The following SP7 variants were observed in gnomAD, a reference collection of about 807,000 sequenced individuals.
SP7 encodes the protein Sp7 transcription factor, also known as transcription factor Sp7.
SP7 carries 13 observed loss-of-function variants against 27.9 expected under a neutral mutation model. That is an observed-to-expected ratio of 0.47 (90% confidence interval 0.30 to 0.74). The LOEUF is 0.74. Among genes scored for constraint, SP7 ranks in the 30% least tolerant of loss-of-function variants. The pLI is 0.06. For synonymous variants in SP7, 219 were observed against 226.7 expected (o/e 0.97, Z 0.31); for missense variants, 525 against 558.0 (o/e 0.94, Z 0.60).
intron 2 of SP7, among the ~76,000 whole-genome samples, chr12:53,333,854 C>T (rs1199018054): frequency 6.6e-6 from 1 of 151,058 alleles, no homozygotes; most frequent in African/African-American, 2.5e-5. Flanking sequence ...GACTGGTGTG[C>T]CTTCGTGTTG....
At chr12:53,339,201 T>C (rs1944801418), upstream of SP7, among the ~76,000 whole-genome samples, 2 of 152,178 alleles carry the variant, frequency 1.3e-5, no homozygotes. Flanking sequence ...ACCCAGACGC[T>C]GAGCTCCAAG....
At chr12:53,335,738 AGGGAGAAT>A (rs774448348) in intron 1 of SP7, 45 bp from the exon 2 acceptor site, 543 of 1,218,280 alleles carry the variant, frequency 4.5e-4, no homozygotes, top group Non-Finnish European at 5.2e-4. Context: ...AGGGAGAGGG[AGGGAGAAT>A]GGGAGAATGG....
intron 2 of SP7, among the ~76,000 whole-genome samples, chr12:53,332,107 C>T (rs1054283372): frequency 3.9e-5 from 6 of 152,106 alleles, no homozygotes; most frequent in Non-Finnish European, 8.8e-5. Flanking sequence ...TTCCAAGCAG[C>T]GGGTGAGCTA....
upstream of SP7, among the ~76,000 whole-genome samples, chr12:53,338,665 A>G (rs568523467): frequency 2.6e-5 from 4 of 152,146 alleles, no homozygotes; most frequent in South Asian, 6.2e-4. Flanking sequence ...AAACCCTACT[A>G]TTCTCTATTC....
Position 53,328,333 on chromosome 12 carries a change from C to T in SP7, c.1109G>A (p.Ser370Asn), listed in dbSNP as rs1375234222. Residue 370 changes from serine (S) to asparagine (N), a missense_variant, in exon 3 of 3, where the codon AGC (serine) becomes AAC (asparagine). Ser to Asn is a conservative substitution (Grantham distance 46, BLOSUM62 1). Coordinates refer to ENST00000536324, the MANE Select transcript of SP7 (RefSeq NM_001173467.3). This position sits in a 1 kb window ranked among gnomAD's most constrained non-coding sequence, Gnocchi z 5.1. The part of the protein sequence containing the change: ...SKRFTRSDHL[S>N]KHQRTHGEPG... Reference sequence around the variant, plus strand: ...TTCTCCATGGGTGCGCTGGTGTTTGCTCAGGTGGTCGCTTCGGGTAAAGCG... The same window carrying T: ...TTCTCCATGGGTGCGCTGGTGTTTGTTCAGGTGGTCGCTTCGGGTAAAGCG... 1.2e-6 allele frequency: 2 copies of T among 1,611,650 alleles called. No homozygotes were observed.
At chr12:53,339,846 G>T (rs190160526), upstream of SP7, among the ~76,000 whole-genome samples, 7 of 152,034 alleles carry the variant, frequency 4.6e-5, no homozygotes, top group Non-Finnish European at 8.8e-5. Context: ...TTCTAGGCTG[G>T]GCTGTCTCTA....
At chr12:53,332,846 C>G (rs563394319) in intron 2 of SP7, among the ~76,000 whole-genome samples, 3 of 152,266 alleles carry the variant, frequency 2.0e-5, no homozygotes, top group Non-Finnish European at 2.9e-5. Flanking sequence ...CTTCTCCCCC[C>G]TGACCGCCCC....
At chr12:53,332,226 C>G (rs930348939) in intron 2 of SP7, among the ~76,000 whole-genome samples, 4 of 152,052 alleles carry the variant, frequency 2.6e-5, no homozygotes, top group African/African-American at 9.7e-5. Flanking sequence ...CACAAAGGAC[C>G]TGCATAGGGT....
At chr12:53,341,925 T>C (rs905930253) in intron 1 of SP7, among the ~76,000 whole-genome samples, 2 of 152,000 alleles carry the variant, frequency 1.3e-5, no homozygotes, top group African/African-American at 4.8e-5. Flanking sequence ...CCGGGCGTGG[T>C]GGCGGGCGCC....
At chr12:53,330,197 C>T (rs1039745959) in intron 2 of SP7, among the ~76,000 whole-genome samples, 7 of 152,084 alleles carry the variant, frequency 4.6e-5, no homozygotes, top group South Asian at 2.1e-4. Context: ...TACAGCCGCA[C>T]GCCACCACAT....
In SP7 at chr12:53,335,704, G is replaced by C; in HGVS notation, c.-47-11C>G. The stretch of plus-strand genomic sequence containing the variant: ...GGCAGATGGAGAGAGCTGAGCCGGG[G>C]GGTGGGGGGGGTAGAGAGAGAAAAG... On this transcript the variant is annotated splice_polypyrimidine_tract_variant and intron_variant, in intron 1 of 2. Coordinates refer to ENST00000536324, the MANE Select transcript of SP7 (RefSeq NM_001173467.3). 1 of 1,451,194 alleles carries C rather than the reference G, an allele frequency of 6.9e-7. No homozygotes were observed. The highest frequency in any genetic ancestry group is 1.2e-5 in the South Asian group (1 of 80,876). The allele number at this position is 1,451,194 out of a possible 1,614,324, so 89.9% of individuals were successfully genotyped here.
Position 53,329,432 on chromosome 12 carries a change from G to C in SP7, c.22-12C>G. 1 of 1,612,878 alleles carries C rather than the reference G, an allele frequency of 6.2e-7. No homozygotes were observed. The highest frequency in any genetic ancestry group is 8.5e-7 in the Non-Finnish European group (1 of 1,179,086). ...TAGTGAACTTCCTCCTGTGGAAAGA[G>C]GGACGCACTGCTTAGGGAGAGGGGA... On this transcript the variant is annotated splice_polypyrimidine_tract_variant and intron_variant, in intron 2 of 2. Transcript: ENST00000536324.
At position 53,328,594 on chromosome 12, in the gene SP7, G is replaced by C; in HGVS notation, c.848C>G (p.Ala283Gly). 6.2e-7 allele frequency: 1 copy of C among 1,609,138 alleles called. No homozygotes were observed. The highest frequency in any genetic ancestry group is 8.5e-7 in the Non-Finnish European group (1 of 1,176,702). Reference sequence around the variant, plus strand: ...CTTCTTCCGCAGCCCAGCCGCTGCTGCTCCCAGCCGCTCTAGCTCCTGGCA... The same window carrying C: ...CTTCTTCCGCAGCCCAGCCGCTGCTCCTCCCAGCCGCTCTAGCTCCTGGCA... ...PNCQELERLG[A>G]AAAGLRKKPI... Residue 283 changes from alanine to glycine, a missense_variant, in exon 3 of 3, where the codon GCA becomes GGA. Transcript: ENST00000536324. This position sits in a 1 kb window ranked among gnomAD's most constrained non-coding sequence, Gnocchi z 5.1.
upstream of SP7, among the ~76,000 whole-genome samples, chr12:53,336,799 G>A (rs1944777007): frequency 6.6e-6 from 1 of 152,030 alleles, no homozygotes; most frequent in Non-Finnish European, 1.5e-5. Flanking sequence ...AAGGTTCTGA[G>A]GTGGAGGTTT....
chr12:53,330,182 G>A (rs1291264324), intron 2 of SP7, among the ~76,000 whole-genome samples: 1 of 152,042 alleles, frequency 6.6e-6, no homozygotes, highest in Admixed American at 6.6e-5. Flanking sequence ...CCACATAGCT[G>A]GGATTACAGC....
intron 2 of SP7, among the ~76,000 whole-genome samples, chr12:53,334,817 T>C (rs1412518578): frequency 6.6e-6 from 1 of 152,166 alleles, no homozygotes; most frequent in African/African-American, 2.4e-5. Flanking sequence ...CTGACCCCAG[T>C]GGTACCCCAA....
In SP7 at chr12:53,328,958, G is replaced by C. The variant is rs1203748106; in HGVS notation, c.484C>G (p.His162Asp). The C allele has an allele frequency of 1.4e-5, 23 of 1,611,518 alleles. No individual in the cohort carries two copies. The highest frequency in any genetic ancestry group is 1.9e-5 in the Non-Finnish European group (22 of 1,178,702). Reference protein sequence around the residue: ...GNTPTPWWDMHPGGNWLGGGQ... With the variant: ...GNTPTPWWDMDPGGNWLGGGQ... Reference sequence around the variant, plus strand: ...CCACCTAGCCAGTTGCCTCCAGGGTGCATATCCCACCATGGAGTAGGAGTG... The same window carrying C: ...CCACCTAGCCAGTTGCCTCCAGGGTCCATATCCCACCATGGAGTAGGAGTG... Residue 162 changes from histidine (H) to aspartate (D), a missense_variant, in exon 3 of 3, where the codon CAC (histidine) becomes GAC (aspartate). His to Asp is a moderately conservative substitution (Grantham distance 81, BLOSUM62 -1). Transcript: ENST00000536324. This position sits in a 1 kb window ranked among gnomAD's most constrained non-coding sequence, Gnocchi z 5.1.
At chr12:53,343,925 G>A (rs1944842696) in intron 1 of SP7, among the ~76,000 whole-genome samples, 1 of 152,122 alleles carries the variant, frequency 6.6e-6, no homozygotes, top group Non-Finnish European at 1.5e-5. Context: ...GCACATGCCT[G>A]TAATCCCAGC....
At chr12:53,342,131 C>T (rs1162191332) in intron 1 of SP7, among the ~76,000 whole-genome samples, 1 of 151,566 alleles carries the variant, frequency 6.6e-6, no homozygotes, top group Non-Finnish European at 1.5e-5. Flanking sequence ...GGTGTGGTGG[C>T]GCGTGCCTGT....
Sources: allele counts gnomAD v4.1 joint callset (sites outside exome capture counted in the v4.1 genomes callset), GRCh38; gene constraint gnomAD v4.1.1; non-coding constraint Gnocchi (gnomAD v3.1); transcripts MANE v1.5; gene names NCBI Gene and HGNC (gene_info 2026-07-23, HGNC 2026-07-21).